Variants in GIGYF2 observed in about 807,000 individuals in gnomAD.
GIGYF2 encodes the protein GRB10-interacting GYF protein 2.
Under a neutral mutation model 208.1 loss-of-function variants are expected in GIGYF2, and 25 were observed. The observed-to-expected ratio is 0.12, with a 90% confidence interval of 0.09 to 0.17. The LOEUF (loss-of-function observed/expected upper bound fraction) is 0.17. Among genes scored for constraint, GIGYF2 ranks in the 10% least tolerant of loss-of-function variants. The probability of loss-of-function intolerance (pLI) is 1.00; values close to 1 mark genes in which losing one functional copy is unlikely to be tolerated. For missense variants in GIGYF2, 1,302 were observed against 1,579.4 expected (o/e 0.82, Z 2.98); for synonymous variants, 534 against 543.8 (o/e 0.98, Z 0.25).
At chr2:232,708,763 C>T (rs1696249650) in intron 2 of GIGYF2, among the ~76,000 whole-genome samples, 1 of 151,132 alleles carries the variant, frequency 6.6e-6, no homozygotes, top group African/African-American at 2.4e-5. Context: ...CTCCCAGGCT[C>T]AAGTGATCCT....
In GIGYF2 at chr2:232,858,760, G is replaced by A. The variant is rs545967575; in HGVS notation, c.*1900G>A. On this transcript the variant is annotated 3_prime_UTR_variant, in exon 29 of 29. Coordinates refer to ENST00000373563, the MANE Select transcript of GIGYF2 (RefSeq NM_001103146.3). ...ATGGCTTCTTTCTCTGCCAGACCAC[G>A]TAGCACTGGCTGGTTCTGTATTTGA... The A allele has an allele frequency of 1.7e-5, 6 of 349,604 alleles. No individual in the cohort carries two copies. The highest frequency in any genetic ancestry group is 4.3e-5 in the African/African-American group (2 of 46,740). The allele number at this position is 349,604 out of a possible 1,614,324, so 21.7% of individuals were successfully genotyped here. A position where few individuals can be genotyped will look rare whatever the true frequency, so the allele number is the denominator to read the frequency against.
chr2:232,816,257 A>C (rs1700907801), intron 19 of GIGYF2, among the ~76,000 whole-genome samples: 1 of 152,230 alleles, frequency 6.6e-6, no homozygotes. Context: ...AAGAATGTCT[A>C]CATCAATACC....
intron 2 of GIGYF2, among the ~76,000 whole-genome samples, chr2:232,724,182 C>T (rs898643738): frequency 6.7e-6 from 1 of 149,322 alleles, no homozygotes; most frequent in African/African-American, 2.5e-5. Flanking sequence ...CTGAGATTAA[C>T]AGGCGCCCGC....
intron 3 of GIGYF2, 189 bp downstream of exon 3, chr2:232,735,427 A>C: frequency 2.0e-6 from 1 of 503,520 alleles, no homozygotes. Context: ...ATACTTAATT[A>C]AAATTTTTTT....
At chr2:232,829,891 ACAGTAGACAGTTGG>A (rs1326400294) in intron 21 of GIGYF2, among the ~76,000 whole-genome samples, 1 of 152,200 alleles carries the variant, frequency 6.6e-6, no homozygotes, top group Admixed American at 6.5e-5. Context: ...TAGACAGTTG[ACAGTAGACAGTTGG>A]CAGGCAGGGA....
intron 6 of GIGYF2, chr2:232,760,235 A>T: frequency 2.6e-6 from 1 of 390,106 alleles, no homozygotes; most frequent in Non-Finnish European, 4.7e-6. Context: ...TTTCTTGTTC[A>T]GGACTGGGTC....
intron 8 of GIGYF2, among the ~76,000 whole-genome samples, chr2:232,769,305 CGG>C (rs949949022): frequency 7.9e-5 from 12 of 151,862 alleles, no homozygotes; most frequent in African/African-American, 2.7e-4. Flanking sequence ...CCGAGGCGGG[CGG>C]GTCATTTGAG....
chr2:232,711,434 A>G (rs1255471534), intron 2 of GIGYF2, among the ~76,000 whole-genome samples: 2 of 151,760 alleles, frequency 1.3e-5, no homozygotes, highest in African/African-American at 2.4e-5. Context: ...AGTTGTATCT[A>G]TCATATCAAG....
chr2:232,702,992 G>T (rs182772228), intron 1 of GIGYF2, among the ~76,000 whole-genome samples: 1 of 152,194 alleles, frequency 6.6e-6, no homozygotes, highest in Non-Finnish European at 1.5e-5. Flanking sequence ...TTGCCATGTT[G>T]CCCAGGCTGG....
rs545300269 is a variant in GIGYF2 at position 232,756,789 on chromosome 2, G to C, written c.379+455G>C. ...GCCTCATCAGGACTAGGACATTTAG[G>C]GGTAGAAAAAAAGATAATTCTGCCA... On this transcript the variant is annotated intron_variant, in intron 6 of 28. Coordinates refer to ENST00000373563, the MANE Select transcript of GIGYF2 (RefSeq NM_001103146.3). Among the ~76,000 whole-genome samples the C allele has an allele frequency of 4.2e-4, 64 of 152,192 alleles. No homozygotes were observed. In the South Asian group the frequency reaches 0.01, roughly 25 times the overall value.
intron 23 of GIGYF2, among the ~76,000 whole-genome samples, chr2:232,841,784 C>G (rs1370772544): frequency 6.6e-6 from 1 of 152,110 alleles, no homozygotes; most frequent in South Asian, 2.1e-4. Context: ...CTAACCTGTT[C>G]CAATCAGGAC....
At chr2:232,805,716 G>A (rs140409417) in intron 14 of GIGYF2, among the ~76,000 whole-genome samples, 1 of 152,202 alleles carries the variant, frequency 6.6e-6, no homozygotes, top group Non-Finnish European at 1.5e-5. Context: ...TAGTTAGCCT[G>A]CCTTTTTCTC....
intron 8 of GIGYF2, among the ~76,000 whole-genome samples, chr2:232,761,954 A>G (rs1239399679): frequency 1.3e-5 from 2 of 151,222 alleles, no homozygotes; most frequent in Non-Finnish European, 2.9e-5. Context: ...ACAGGATTCC[A>G]TTGTTTATGA....
intron 8 of GIGYF2, 62 bp downstream of exon 8, chr2:232,761,498 C>T (rs1277335791): frequency 2.1e-6 from 2 of 934,068 alleles, no homozygotes; most frequent in Non-Finnish European, 3.6e-6. Context: ...GTTACCTGCA[C>T]CTCTCCAGTA....
chr2:232,824,140 C>G (rs1457979787), intron 21 of GIGYF2, among the ~76,000 whole-genome samples: 1 of 152,150 alleles, frequency 6.6e-6, no homozygotes, highest in Non-Finnish European at 1.5e-5. Context: ...TTCGACCTCC[C>G]TATTCGCTGA....
Position 232,711,104 on chromosome 2 carries a change from A to ATT in GIGYF2, c.-44+7628_-44+7629dup, listed in dbSNP as rs71398741. 7.4e-4 allele frequency among the ~76,000 whole-genome samples: 107 copies of ATT among 144,158 alleles called. 1 individual carries two copies. In the South Asian group the frequency reaches 0.015, roughly 20 times the overall value. The allele number at this position is 144,158 out of a possible 152,430, so 94.6% of individuals were successfully genotyped here. A position where few individuals can be genotyped will look rare whatever the true frequency, so the allele number is the denominator to read the frequency against. On this transcript the variant is annotated intron_variant, in intron 2 of 28. Transcript: ENST00000373563. The stretch of plus-strand genomic sequence containing the variant: ...TTATTTATGTGTTTTTTATTTGTTA[A>ATT]TTTTTTTTTTTTTTAAAGACAGTGT...
intron 3 of GIGYF2, among the ~76,000 whole-genome samples, chr2:232,740,263 C>T (rs989811483): frequency 6.6e-6 from 1 of 152,100 alleles, no homozygotes; most frequent in African/African-American, 2.4e-5. Flanking sequence ...TTGAGACCAA[C>T]CTGGGACAAC....
rs1161996471 is a variant in GIGYF2, at chr2:232,779,110, T to A, written c.533-8040T>A. Among the ~76,000 whole-genome samples, 5 of 152,292 alleles carry A rather than the reference T, an allele frequency of 3.3e-5. No individual in the cohort carries two copies. In the East Asian group the frequency reaches 7.7e-4, roughly 24 times the overall value. On this transcript the variant is annotated intron_variant, in intron 8 of 28. Transcript: ENST00000373563. ...GAGATGACACGGATATTGGCACAGATGATATGCCACCTTCACCCAGAAACT... is the reference window on the plus strand; with the variant it reads ...GAGATGACACGGATATTGGCACAGAAGATATGCCACCTTCACCCAGAAACT...
intron 2 of GIGYF2, among the ~76,000 whole-genome samples, chr2:232,727,326 A>G (rs990175180): frequency 1.3e-5 from 2 of 152,198 alleles, no homozygotes; most frequent in African/African-American, 4.8e-5. Context: ...AAGTTTGTCC[A>G]TGCAAATATA....
Sources: allele counts gnomAD v4.1 joint callset (sites outside exome capture counted in the v4.1 genomes callset), GRCh38; gene constraint gnomAD v4.1.1; transcripts MANE v1.5; gene names NCBI Gene and HGNC (gene_info 2026-07-23, HGNC 2026-07-21).